Variants in AIM2 observed in about 807,000 individuals in gnomAD.
The protein encoded by AIM2 is absent in melanoma 2, also known as interferon-inducible protein AIM2.
In AIM2, 30 loss-of-function variants were observed where a neutral mutation model predicts 27.7. That is an observed-to-expected ratio of 1.08 (90% CI 0.81 to 1.47). AIM2 has a LOEUF of 1.47. Among genes scored for constraint, AIM2 ranks in the 40% most tolerant of loss-of-function variants. AIM2 has a pLI of 0.00. For synonymous variants in AIM2, 141 were observed against 145.3 expected (o/e 0.97, Z 0.21); for missense variants, 358 against 411.3 (o/e 0.87, Z 1.12).
the AIM2 span, chr1:159,055,197 A>T: frequency 5.1e-6 from 1 of 197,032 alleles, no homozygotes; most frequent in African/African-American, 2.3e-5. Context: ...TGAGTTGCTT[A>T]AAAGCAAATA....
chr1:159,146,416 T>C (rs1280447158), intron 1 of AIM2, among the ~76,000 whole-genome samples: 1 of 152,098 alleles, frequency 6.6e-6, no homozygotes, highest in Non-Finnish European at 1.5e-5. Context: ...TCCTGTCTTC[T>C]TACATTTTCT....
At chr1:159,110,544 TA>T (rs1274737499) in intron 1 of AIM2, among the ~76,000 whole-genome samples, 1 of 152,034 alleles carries the variant, frequency 6.6e-6, no homozygotes, top group Non-Finnish European at 1.5e-5. Context: ...AAAGTGCCAT[TA>T]AAAATATTAA....
At chr1:159,108,676 T>A (rs1657504343) in intron 1 of AIM2, among the ~76,000 whole-genome samples, 1 of 152,296 alleles carries the variant, frequency 6.6e-6, no homozygotes, top group South Asian at 2.1e-4. Context: ...CTAGAACTGA[T>A]GAAATAATTC....
At chr1:159,116,112 G>A (rs1647340495) in intron 1 of AIM2, among the ~76,000 whole-genome samples, 1 of 151,684 alleles carries the variant, frequency 6.6e-6, no homozygotes, top group Non-Finnish European at 1.5e-5. Context: ...TCAGAGAAAT[G>A]CAAATCAAAA....
intron 5 of AIM2, among the ~76,000 whole-genome samples, chr1:159,063,007 A>G (rs1655902410): frequency 6.6e-6 from 1 of 152,174 alleles, no homozygotes; most frequent in Non-Finnish European, 1.5e-5. Context: ...CCTGGGGAAG[A>G]GCACCAAGTA....
chr1:159,105,204 G>A (rs937627746), intron 1 of AIM2, among the ~76,000 whole-genome samples: 22 of 152,222 alleles, frequency 1.4e-4, no homozygotes, highest in South Asian at 1.0e-3. Flanking sequence ...AGCTCCAGGC[G>A]CCAGCATAGG....
chr1:159,100,360 C>T (rs1360130463), intron 1 of AIM2, among the ~76,000 whole-genome samples: 3 of 152,012 alleles, frequency 2.0e-5, no homozygotes, highest in Non-Finnish European at 4.4e-5. Flanking sequence ...TTCTGGTACT[C>T]TTGTAATATC....
At chr1:159,101,568 A>C (rs551149776) in intron 1 of AIM2, among the ~76,000 whole-genome samples, 1 of 152,206 alleles carries the variant, frequency 6.6e-6, no homozygotes, top group Non-Finnish European at 1.5e-5. Flanking sequence ...TCAGAAGAAG[A>C]CAAGAAGATG....
At chr1:159,119,787 T>C (rs2102038294) in intron 1 of AIM2, among the ~76,000 whole-genome samples, 1 of 152,238 alleles carries the variant, frequency 6.6e-6, no homozygotes, top group East Asian at 1.9e-4. Context: ...TGTGTGTGTG[T>C]GCATGTGTTT....
intron 1 of AIM2, among the ~76,000 whole-genome samples, chr1:159,101,138 T>G (rs1570964400): frequency 1.3e-5 from 2 of 151,546 alleles, no homozygotes; most frequent in East Asian, 3.9e-4. Context: ...CCCCACGTGT[T>G]GTAGGAGGGA....
downstream of AIM2, among the ~76,000 whole-genome samples, chr1:159,059,605 T>A (rs1321645746): frequency 2.0e-5 from 3 of 152,180 alleles, no homozygotes; most frequent in African/African-American, 7.2e-5. Context: ...ATATTTCATA[T>A]CACTTGAGGT....
chr1:159,105,812 T>C (rs1657429943), intron 1 of AIM2, among the ~76,000 whole-genome samples: 2 of 152,120 alleles, frequency 1.3e-5, no homozygotes, highest in African/African-American at 4.8e-5. Context: ...TATTGGTCCA[T>C]GGGTAGTCAT....
intron 1 of AIM2, among the ~76,000 whole-genome samples, chr1:159,090,518 A>G (rs1027503648): frequency 2.0e-5 from 3 of 152,222 alleles, no homozygotes; most frequent in Admixed American, 2.0e-4. Flanking sequence ...CGCCACTAAA[A>G]TTCCATGCCT....
upstream of AIM2, among the ~76,000 whole-genome samples, chr1:159,144,506 C>A (rs962075764): frequency 6.6e-6 from 1 of 152,078 alleles, no homozygotes; most frequent in African/African-American, 2.4e-5. Flanking sequence ...TTTTAAAGGG[C>A]AGGAAGGGTG....
intron 1 of AIM2, among the ~76,000 whole-genome samples, chr1:159,114,504 G>T (rs1052108019): frequency 2.6e-5 from 4 of 152,150 alleles, no homozygotes; most frequent in Non-Finnish European, 4.4e-5. Context: ...ATCACTTGAG[G>T]CCAGGAGTTT....
intron 1 of AIM2, among the ~76,000 whole-genome samples, chr1:159,101,983 A>T (rs1657322206): frequency 6.6e-6 from 1 of 152,318 alleles, no homozygotes; most frequent in South Asian, 2.1e-4. Flanking sequence ...TTAATCACCA[A>T]GTAAATGGGG....
At chr1:159,114,724 T>C (rs1388369042) in intron 1 of AIM2, among the ~76,000 whole-genome samples, 1 of 152,098 alleles carries the variant, frequency 6.6e-6, no homozygotes. Context: ...ACAGCCAATA[T>C]CATACTGAAT....
chr1:159,111,196 G>C (rs1395916515), intron 1 of AIM2, among the ~76,000 whole-genome samples: 1 of 152,118 alleles, frequency 6.6e-6, no homozygotes, highest in Non-Finnish European at 1.5e-5. Flanking sequence ...CCTCAAATTA[G>C]ACTAATGGTT....
At chr1:159,123,815 A>T (rs955811816) in intron 1 of AIM2, among the ~76,000 whole-genome samples, 1 of 152,258 alleles carries the variant, frequency 6.6e-6, no homozygotes, top group African/African-American at 2.4e-5. Context: ...GAAAGCCAGT[A>T]AAGACCTACG....
Sources: gnomAD v4.1 joint callset for allele counts (sites outside exome capture counted in the v4.1 genomes callset) on GRCh38, gnomAD v4.1.1 for gene constraint, MANE v1.5 for transcripts, NCBI Gene and HGNC (gene_info 2026-07-23, HGNC 2026-07-21) for gene names.